ACVR1C: variants seen among roughly 807,000 people sequenced by gnomAD.
ACVR1C encodes the protein activin receptor type-1C.
A neutral mutation model predicts 57.9 loss-of-function variants in ACVR1C; 23 were observed. The observed-to-expected ratio is 0.40, with a 90% CI of 0.29 to 0.56. The LOEUF (loss-of-function observed/expected upper bound fraction) is 0.56. Ranked by LOEUF, ACVR1C falls within the 20% of genes least tolerant of loss-of-function variation. The pLI is 0.50. For synonymous variants in ACVR1C, 214 were observed against 215.3 expected (o/e 0.99, Z 0.05); for missense variants, 480 against 607.9 (o/e 0.79, Z 2.21).
chr2:157,583,105 C>T (rs1362201730), intron 2 of ACVR1C, among the ~76,000 whole-genome samples: 1 of 152,158 alleles, frequency 6.6e-6, no homozygotes, highest in Non-Finnish European at 1.5e-5. Context: ...AAGTGATCTG[C>T]CCACCGTAGC....
chr2:157,531,991 C>T lies in ACVR1C; in HGVS notation c.*1927G>A, dbSNP rs1687359390. The T allele has an allele frequency of 6.6e-6, 1 of 151,970 alleles. No individual in the cohort carries two copies. The highest frequency in any genetic ancestry group is 2.4e-5 in the African/African-American group (1 of 41,400). 9.4% of individuals were successfully genotyped at this position (151,970 alleles called of 1,614,324 possible). ...CTATCTTTGTATTCCCTCTTGTACC[C>T]GATATTGTGGCAAGCAAGATATGGG... On this transcript the variant is annotated 3_prime_UTR_variant, in exon 9 of 9. Transcript: ENST00000243349.
chr2:157,554,698 G>T (rs777449326), intron 3 of ACVR1C, among the ~76,000 whole-genome samples: 1 of 152,178 alleles, frequency 6.6e-6, no homozygotes, highest in Admixed American at 6.5e-5. Context: ...GATGCACATA[G>T]AGATGTTATC....
At chr2:157,540,093 T>C (rs1475635026) in intron 7 of ACVR1C, among the ~76,000 whole-genome samples, 1 of 152,236 alleles carries the variant, frequency 6.6e-6, no homozygotes. Context: ...TTCACATGAA[T>C]TAATTCATTA....
intron 1 of ACVR1C, among the ~76,000 whole-genome samples, chr2:157,599,203 G>A (rs1682215703): frequency 6.6e-6 from 1 of 151,230 alleles, no homozygotes; most frequent in Non-Finnish European, 1.5e-5. Flanking sequence ...GCGTGGTGGC[G>A]GGCGCCTACA....
At chr2:157,614,466 T>C (rs997892858) in intron 1 of ACVR1C, among the ~76,000 whole-genome samples, 2 of 152,190 alleles carry the variant, frequency 1.3e-5, no homozygotes, top group Non-Finnish European at 2.9e-5. Flanking sequence ...AAAATATGTG[T>C]ATTCTGCTGT....
chr2:157,534,550 A>C (rs1687433419), intron 8 of ACVR1C, among the ~76,000 whole-genome samples: 1 of 152,180 alleles, frequency 6.6e-6, no homozygotes, highest in African/African-American at 2.4e-5. Context: ...ACAAGTGTAA[A>C]CGTACGAAAA....
chr2:157,621,356 G>A (rs1347416568), intron 1 of ACVR1C, among the ~76,000 whole-genome samples: 1 of 152,176 alleles, frequency 6.6e-6, no homozygotes, highest in Non-Finnish European at 1.5e-5. Flanking sequence ...TAGCCCCTGA[G>A]AAGGAGCAAA....
rs544868401 is a variant in ACVR1C, at chr2:157,546,923, C to T, written c.776-2311G>A. The stretch of plus-strand genomic sequence containing the variant: ...TGCTGGTGCGCTGCACCCACTAACT[C>T]GTCATCTAGCATTAGGTATATCTCC... On this transcript the variant is annotated intron_variant, in intron 4 of 8. Coordinates refer to ENST00000243349, the MANE Select transcript of ACVR1C (RefSeq NM_145259.3). 9.6e-3 allele frequency among the ~76,000 whole-genome samples: 1,457 copies of T among 151,238 alleles called. 17 individuals carry two copies. Among genetic ancestry groups the T allele is most frequent in the African/African-American group, 0.034 (1,390 of 41,150 alleles).
At chr2:157,627,551 C>T (rs1041706013) in intron 1 of ACVR1C, among the ~76,000 whole-genome samples, 11 of 152,158 alleles carry the variant, frequency 7.2e-5, no homozygotes, top group Non-Finnish European at 1.6e-4. Flanking sequence ...CATTCTCTTG[C>T]ACATGTCACT....
At chr2:157,543,696 G>A (rs1413414786) in intron 5 of ACVR1C, among the ~76,000 whole-genome samples, 1 of 152,112 alleles carries the variant, frequency 6.6e-6, no homozygotes, top group Non-Finnish European at 1.5e-5. Context: ...ACTCTCTAGA[G>A]CCAACCTCTT....
intron 2 of ACVR1C, among the ~76,000 whole-genome samples, chr2:157,568,212 C>T (rs1688445894): frequency 1.6e-5 from 1 of 62,250 alleles, no homozygotes; most frequent in Non-Finnish European, 3.2e-5. Flanking sequence ...CTGAAGGAAG[C>T]GCTAAACATG....
intron 4 of ACVR1C, among the ~76,000 whole-genome samples, chr2:157,545,706 G>A (rs1326535772): frequency 6.6e-6 from 1 of 152,180 alleles, no homozygotes; most frequent in Non-Finnish European, 1.5e-5. Context: ...AGGTAGACCA[G>A]TTAAACTCAA....
At chr2:157,604,975 C>A (rs1682360369) in intron 1 of ACVR1C, among the ~76,000 whole-genome samples, 1 of 151,726 alleles carries the variant, frequency 6.6e-6, no homozygotes, top group African/African-American at 2.4e-5. Context: ...TGTTGCCTAA[C>A]CTAAGATCAA....
chr2:157,617,975 T>C (rs1682690392), intron 1 of ACVR1C, among the ~76,000 whole-genome samples: 2 of 151,880 alleles, frequency 1.3e-5, no homozygotes, highest in South Asian at 4.1e-4. Context: ...CTATCAGAAC[T>C]GAACTACAAA....
At chr2:157,584,228 G>A (rs891605796) in intron 2 of ACVR1C, among the ~76,000 whole-genome samples, 5 of 149,692 alleles carry the variant, frequency 3.3e-5, no homozygotes, top group African/African-American at 4.9e-5. Context: ...TCAGCCTTCC[G>A]AGTAGCTGGG....
chr2:157,606,867 T>G (rs1682410359), intron 1 of ACVR1C, among the ~76,000 whole-genome samples: 2 of 151,874 alleles, frequency 1.3e-5, no homozygotes, highest in Non-Finnish European at 2.9e-5. Flanking sequence ...TTCACAGTCT[T>G]AGCCATAAAA....
chr2:157,542,987 T>C lies in ACVR1C; in HGVS notation c.944-125A>G. ...GAGTTTTCTTCAAAGCTCTTGTCAC[T>C]ATCTAAATTATCTTGTTTATTTATG... On this transcript the variant is annotated intron_variant, in intron 5 of 8. Coordinates refer to ENST00000243349, the MANE Select transcript of ACVR1C (RefSeq NM_145259.3). 6.6e-6 allele frequency: 6 copies of C among 913,194 alleles called. No homozygotes were observed. In the South Asian group the frequency reaches 6.8e-5, roughly 10 times the overall value. The allele number at this position is 913,194 out of a possible 1,614,324, so 56.6% of individuals were successfully genotyped here.
intron 7 of ACVR1C, among the ~76,000 whole-genome samples, chr2:157,539,612 G>A (rs1438241090): frequency 6.6e-6 from 1 of 152,138 alleles, no homozygotes; most frequent in African/African-American, 2.4e-5. Flanking sequence ...TTGAAATCTT[G>A]CTATCTGCCG....
chr2:157,584,759 C>T (rs184023246), intron 2 of ACVR1C, among the ~76,000 whole-genome samples: 49 of 152,314 alleles, frequency 3.2e-4, no homozygotes, highest in Middle Eastern at 3.4e-3. Flanking sequence ...AATAAAAGCA[C>T]GTATCCAAAG....
Sources: gnomAD v4.1 joint callset for allele counts (sites outside exome capture counted in the v4.1 genomes callset) on GRCh38, gnomAD v4.1.1 for gene constraint, MANE v1.5 for transcripts, NCBI Gene and HGNC (gene_info 2026-07-23, HGNC 2026-07-21) for gene names.